ADGRV1: variants seen among roughly 807,000 people sequenced by gnomAD.
ADGRV1 encodes the protein G-protein coupled receptor 98.
A neutral mutation model predicts 596.2 loss-of-function variants in ADGRV1; 359 were observed. The ratio of observed to expected loss-of-function variants is 0.60; its 90% CI spans 0.55 to 0.66. The LOEUF (loss-of-function observed/expected upper bound fraction) is 0.66. Ranked by LOEUF, ADGRV1 falls within the 30% of genes least tolerant of loss-of-function variation. The pLI, the probability that ADGRV1 is intolerant of heterozygous loss-of-function variation, is 0.00. For missense variants in ADGRV1, 7,274 were observed against 7,575.6 expected (o/e 0.96, Z 1.48); for synonymous variants, 2,681 against 2,679.2 (o/e 1.00, Z -0.02).
chr5:90,985,578 G>T, intron 85 of ADGRV1, 56 bp downstream of exon 85: 1 of 1,355,204 alleles, frequency 7.4e-7, no homozygotes, highest in Non-Finnish European at 1.0e-6. Context: ...AGCAGATTTC[G>T]TTGCCATAAG....
chr5:90,672,997 T>C (rs989866046), intron 22 of ADGRV1: 7 of 341,580 alleles, frequency 2.0e-5, no homozygotes, highest in Non-Finnish European at 3.1e-5. Context: ...TCTCCTATGA[T>C]AGATTGGGAC....
chr5:90,832,775 G>A (rs1346851625), intron 77 of ADGRV1, among the ~76,000 whole-genome samples: 1 of 152,142 alleles, frequency 6.6e-6, no homozygotes, highest in Non-Finnish European at 1.5e-5. Context: ...GACTTTCTGT[G>A]TATGGTGAGA....
Position 90,855,764 on chromosome 5 carries a change from G to C in ADGRV1, c.17618G>C (p.Cys5873Ser), listed in dbSNP as rs1766964278. The change falls in exon 82 of 90, where the codon TGC becomes TCC. Residue 5873 changes from cysteine to serine, a missense_variant. Cys to Ser is a moderately radical substitution (Grantham distance 112). Around this residue, in one of 5 missense-constraint regions of ADGRV1, gnomAD observed 1,874 missense variants for 1,970.2 expected, o/e 0.95. Transcript: ENST00000405460. ...AGCTGGTTGTCTGACAGTCAGTTTT[G>C]CAAAGTGGTTGAGGAAACTGCAGAC... is the stretch of plus-strand genomic sequence containing the variant. The part of the protein sequence containing the change: ...AASWLSDSQF[C>S]KVVEETADYV... 1 of 1,589,846 alleles carries C rather than the reference G, an allele frequency of 6.3e-7. No homozygotes were observed. The highest frequency in any genetic ancestry group is 1.2e-5 in the South Asian group (1 of 85,872).
chr5:90,994,915 T>C (rs1210532491), intron 85 of ADGRV1, among the ~76,000 whole-genome samples: 1 of 152,236 alleles, frequency 6.6e-6, no homozygotes, highest in Non-Finnish European at 1.5e-5. Flanking sequence ...TGTTGGGGCA[T>C]GACTTCAACA....
chr5:90,829,301 C>G, intron 77 of ADGRV1, 115 bp downstream of exon 77: 1 of 927,400 alleles, frequency 1.1e-6, no homozygotes, highest in Non-Finnish European at 1.5e-6. Context: ...CATCGTAATT[C>G]ACTTTTTATT....
chr5:90,722,716 C>CAAAAAAAAAAAAAAAAAAAAAAAAA (rs55761821), intron 45 of ADGRV1, among the ~76,000 whole-genome samples: 3 of 32,874 alleles, frequency 9.1e-5, no homozygotes, highest in African/African-American at 3.7e-4. Flanking sequence ...AACTCCGTCT[C>CAAAAAAAAAAAAAAAAAAAAAAAAA]AAAAAAAAAA....
chr5:91,129,950 A>C (rs939452074), intron 87 of ADGRV1, among the ~76,000 whole-genome samples: 17 of 152,082 alleles, frequency 1.1e-4, no homozygotes, highest in Admixed American at 6.6e-5. Flanking sequence ...AAAAGAAAAA[A>C]ATTTTTAAGA....
At chr5:90,661,215 C>A (rs1470517099) in intron 21 of ADGRV1, among the ~76,000 whole-genome samples, 1 of 152,148 alleles carries the variant, frequency 6.6e-6, no homozygotes, top group African/African-American at 2.4e-5. Flanking sequence ...AAATTGTATA[C>A]CACGTAATTA....
rs941251038 is a variant in ADGRV1, at chr5:90,728,986, A to G, written c.10426+53A>G. On this transcript the variant is annotated intron_variant, in intron 49 of 89. Transcript: ENST00000405460. ...TATATAATTATTGAAATCATCTAGC[A>G]TTCATATGGTATATTTTATATGAAA... 11 of 1,216,890 alleles carry G rather than the reference A, an allele frequency of 9.0e-6. No homozygotes were observed. The African/African-American group carries it at 1.5e-4, about 17-fold the overall frequency. The allele number at this position is 1,216,890 out of a possible 1,614,324, so 75.4% of individuals were successfully genotyped here. A position where few individuals can be genotyped will look rare whatever the true frequency, so the allele number is the denominator to read the frequency against.
At chr5:90,801,193 A>AT (rs1761335108) in intron 70 of ADGRV1, among the ~76,000 whole-genome samples, 1 of 152,100 alleles carries the variant, frequency 6.6e-6, no homozygotes, top group South Asian at 2.1e-4. Flanking sequence ...TTTCAAATTC[A>AT]TTTTTAAATT....
intron 50 of ADGRV1, among the ~76,000 whole-genome samples, chr5:90,742,603 GAA>G (rs992258324): frequency 2.0e-5 from 3 of 152,120 alleles, no homozygotes; most frequent in Non-Finnish European, 4.4e-5. Context: ...TGGGCAGAGA[GAA>G]AGAGAGAGCA....
rs73179316 is a variant in ADGRV1 at position 90,816,052 on chromosome 5, T to C, written c.16196+316T>C. On this transcript the variant is annotated intron_variant, in intron 75 of 89. Transcript: ENST00000405460. ...ATTTTCCTGTGATGAAAACTTGGAGTACCAAAACTTTGTTTGCAACTTAAA... is the reference window on the plus strand; with the variant it reads ...ATTTTCCTGTGATGAAAACTTGGAGCACCAAAACTTTGTTTGCAACTTAAA... Among the ~76,000 whole-genome samples the C allele has an allele frequency of 0.014, 2,205 of 152,292 alleles. 17 individuals are homozygous for C. Among genetic ancestry groups the C allele is most frequent in the Middle Eastern group, 0.054 (16 of 294 alleles).
intron 83 of ADGRV1, among the ~76,000 whole-genome samples, chr5:90,874,852 T>A (rs566043804): frequency 1.7e-4 from 26 of 150,548 alleles, no homozygotes; most frequent in Non-Finnish European, 2.8e-4. Context: ...CAAGACTCTG[T>A]CTCAAAAAAA....
At chr5:90,607,113 A>G (rs754738020) in intron 1 of ADGRV1, among the ~76,000 whole-genome samples, 9 of 152,222 alleles carry the variant, frequency 5.9e-5, no homozygotes, top group Non-Finnish European at 1.2e-4. Context: ...CTGCAAGGAC[A>G]AAAGGAAGGC....
chr5:91,033,337 T>C (rs1461510301), intron 85 of ADGRV1, among the ~76,000 whole-genome samples: 1 of 152,206 alleles, frequency 6.6e-6, no homozygotes. Flanking sequence ...GAATTCCTTG[T>C]GCCCTTTGAC....
In ADGRV1 at chr5:90,822,404, C is replaced by T. The variant is rs1763645073; in HGVS notation, c.16197-1021C>T. On this transcript the variant is annotated intron_variant, in intron 75 of 89. Coordinates refer to ENST00000405460, the MANE Select transcript of ADGRV1 (RefSeq NM_032119.4). ...CGTTGCTCACGCTGGGAGCTGTAGA[C>T]CGGAGCTGTTCCTATTCGGCCATCT... 2.0e-5 allele frequency among the ~76,000 whole-genome samples: 3 copies of T among 152,148 alleles called. No homozygotes were observed. In the South Asian group the frequency reaches 6.2e-4, roughly 31 times the overall value.
chr5:91,063,850 T>TGGC (rs1787656946), intron 85 of ADGRV1, among the ~76,000 whole-genome samples: 1 of 109,052 alleles, frequency 9.2e-6, no homozygotes, highest in Non-Finnish European at 1.9e-5. Context: ...GGGGAGCTGG[T>TGGC]GGTGGTGGTG....
At chr5:90,999,003 GT>G (rs893845351) in intron 85 of ADGRV1, among the ~76,000 whole-genome samples, 1 of 151,930 alleles carries the variant, frequency 6.6e-6, no homozygotes, top group African/African-American at 2.4e-5. Context: ...TACAGCATTT[GT>G]TTCTTTTTTG....
intron 1 of ADGRV1, among the ~76,000 whole-genome samples, chr5:90,581,014 ACTGTTATC>A (rs964615610): frequency 2.0e-5 from 3 of 152,140 alleles, no homozygotes; most frequent in Non-Finnish European, 4.4e-5. Context: ...ATCTTCAATC[ACTGTTATC>A]CTTTCTTCCC....
Sources: gnomAD v4.1 joint callset for allele counts (sites outside exome capture counted in the v4.1 genomes callset) on GRCh38, gnomAD v4.1.1 for gene constraint, gnomAD v4.1.1 regional missense constraint, MANE v1.5 for transcripts, NCBI Gene and HGNC (gene_info 2026-07-23, HGNC 2026-07-21) for gene names.